The following CAMKMT variants were observed in gnomAD, a reference collection of about 807,000 sequenced individuals.
The protein encoded by CAMKMT is calmodulin-lysine N-methyltransferase.
In CAMKMT, 53 loss-of-function variants were observed where a neutral mutation model predicts 48.0. The observed-to-expected ratio is 1.10, with a 90% CI of 0.89 to 1.39. The LOEUF (loss-of-function observed/expected upper bound fraction) is 1.39, where lower values mean the gene tolerates loss of function less well. Ranked by LOEUF, CAMKMT falls within the 40% of genes most tolerant of loss-of-function variation. The pLI, the probability that CAMKMT is intolerant of heterozygous loss-of-function variation, is 0.00. For synonymous variants in CAMKMT, 165 were observed against 152.3 expected (o/e 1.08, Z -0.61); for missense variants, 428 against 402.7 (o/e 1.06, Z -0.54).
intron 3 of CAMKMT, among the ~76,000 whole-genome samples, chr2:44,687,960 G>A (rs1356824082): frequency 6.6e-6 from 1 of 152,220 alleles, no homozygotes; most frequent in Non-Finnish European, 1.5e-5. Context: ...CTGACAGCAA[G>A]TGATAAGCCT....
At chr2:44,592,562 G>A (rs1263340405) in intron 3 of CAMKMT, among the ~76,000 whole-genome samples, 2 of 152,228 alleles carry the variant, frequency 1.3e-5, no homozygotes, top group Admixed American at 6.5e-5. Context: ...CAAGACCAAC[G>A]ATGCTGGCAT....
In CAMKMT at chr2:44,449,811, A is replaced by G. The variant is rs898454720; in HGVS notation, c.376+59506A>G. On this transcript the variant is annotated intron_variant, in intron 3 of 10. Transcript: ENST00000378494. ...TTCTGATATTTTACGTTCCTTAGTA[A>G]ATCTTTGGGGAGGGGGTTAGTACTA... is the stretch of plus-strand genomic sequence containing the variant. 2.0e-4 allele frequency among the ~76,000 whole-genome samples: 31 copies of G among 152,114 alleles called. 1 individual carries two copies. Among genetic ancestry groups the G allele is most frequent in the Non-Finnish European group, 4.0e-4 (27 of 68,002 alleles).
At chr2:44,644,735 A>C (rs13400118) in intron 3 of CAMKMT, among the ~76,000 whole-genome samples, 95,685 of 152,012 alleles carry the variant, frequency 0.63, 30,670 homozygotes, top group Middle Eastern at 0.7. Flanking sequence ...TTATAATTAG[A>C]CTTTTATAGC....
At chr2:44,475,646 G>A (rs6728449) in intron 3 of CAMKMT, among the ~76,000 whole-genome samples, 83,640 of 151,988 alleles carry the variant, frequency 0.55, 23,450 homozygotes, top group Middle Eastern at 0.68. Flanking sequence ...GGAATAACTG[G>A]TGTGGCAAGT....
chr2:44,702,147 G>A (rs917747192), intron 3 of CAMKMT, among the ~76,000 whole-genome samples: 7 of 152,062 alleles, frequency 4.6e-5, no homozygotes, highest in Non-Finnish European at 1.0e-4. Context: ...AAAACCTCAA[G>A]CTAAAGGCAT....
chr2:44,643,029 A>C (rs545221796), intron 3 of CAMKMT, among the ~76,000 whole-genome samples: 3 of 152,292 alleles, frequency 2.0e-5, no homozygotes, highest in Non-Finnish European at 4.4e-5. Context: ...AGGGGTAGGC[A>C]GACTGACAGG....
chr2:44,633,269 G>C (rs1423771954), intron 3 of CAMKMT, among the ~76,000 whole-genome samples: 9 of 152,008 alleles, frequency 5.9e-5, no homozygotes, highest in Admixed American at 5.9e-4. Context: ...TATTTTCTTT[G>C]TGTTTACTCT....
At chr2:44,719,950 G>A (rs922273889) in intron 7 of CAMKMT, among the ~76,000 whole-genome samples, 6 of 152,150 alleles carry the variant, frequency 3.9e-5, no homozygotes, top group African/African-American at 1.2e-4. Flanking sequence ...CCTGAAGACC[G>A]CTGAGAATTC....
chr2:44,431,864 C>G (rs982447324), intron 3 of CAMKMT, among the ~76,000 whole-genome samples: 1 of 152,122 alleles, frequency 6.6e-6, no homozygotes, highest in Non-Finnish European at 1.5e-5. Flanking sequence ...GATGTTAGCT[C>G]AATTGTAAGT....
At chr2:44,579,778 T>G (rs1669444822) in intron 3 of CAMKMT, among the ~76,000 whole-genome samples, 1 of 152,206 alleles carries the variant, frequency 6.6e-6, no homozygotes, top group South Asian at 2.1e-4. Flanking sequence ...GTAACTTTAT[T>G]GCTGCCTGGG....
intron 3 of CAMKMT, among the ~76,000 whole-genome samples, chr2:44,470,257 G>T (rs1423113590): frequency 1.3e-5 from 2 of 151,948 alleles, no homozygotes; most frequent in East Asian, 3.9e-4. Context: ...AAGTTTCCTG[G>T]GTTTTCTCCT....
intron 10 of CAMKMT, 50 bp downstream of exon 10, chr2:44,766,611 G>A: frequency 1.2e-6 from 2 of 1,600,766 alleles, no homozygotes; most frequent in Non-Finnish European, 1.7e-6. Context: ...ATTGCATTTT[G>A]AAGAGATCAT....
chr2:44,534,812 A>G (rs1475427120), intron 3 of CAMKMT, among the ~76,000 whole-genome samples: 1 of 139,228 alleles, frequency 7.2e-6, no homozygotes, highest in Non-Finnish European at 1.6e-5. Context: ...AATGCACCTC[A>G]AGGAACTTGA....
intron 3 of CAMKMT, among the ~76,000 whole-genome samples, chr2:44,546,192 CACACACACACAT>C (rs1293629308): frequency 2.0e-5 from 3 of 148,710 alleles, no homozygotes; most frequent in African/African-American, 7.7e-5. Flanking sequence ...CACACACACA[CACACACACACAT>C]ACATGCACAT....
intron 3 of CAMKMT, among the ~76,000 whole-genome samples, chr2:44,545,087 C>G (rs1464942164): frequency 1.3e-5 from 2 of 152,174 alleles, no homozygotes; most frequent in Non-Finnish European, 2.9e-5. Flanking sequence ...CTTACATTTA[C>G]CTATTCAGAT....
intron 3 of CAMKMT, among the ~76,000 whole-genome samples, chr2:44,397,777 A>T (rs1681993593): frequency 6.6e-6 from 1 of 152,230 alleles, no homozygotes; most frequent in Non-Finnish European, 1.5e-5. Context: ...TTGAAATAAG[A>T]AACCACAGAA....
rs114545792 is a variant in CAMKMT, at chr2:44,659,463, G to A, written c.377-44820G>A. The stretch of plus-strand genomic sequence containing the variant: ...AGTGGCGGAGGGCGGAGTTCAGTGG[G>A]TCATGCCTATAATCCCAGCCCTTTG... On this transcript the variant is annotated intron_variant, in intron 3 of 10. Transcript: ENST00000378494. Among the ~76,000 whole-genome samples the A allele has an allele frequency of 2.3e-3, 340 of 150,810 alleles. 2 individuals carry two copies. Among genetic ancestry groups the A allele is most frequent in the African/African-American group, 8.0e-3 (330 of 41,070 alleles).
At chr2:44,447,678 A>T (rs74581957) in intron 3 of CAMKMT, among the ~76,000 whole-genome samples, 8,163 of 152,310 alleles carry the variant, frequency 0.054, 292 homozygotes, top group South Asian at 0.15. Flanking sequence ...TACTTCTCAA[A>T]CAGTAATGTT....
intron 1 of CAMKMT, among the ~76,000 whole-genome samples, chr2:44,372,466 CAAAA>C (rs35734499): frequency 6.6e-5 from 9 of 136,386 alleles, no homozygotes; most frequent in East Asian, 2.2e-4. Flanking sequence ...GATCCTGTCT[CAAAA>C]AAAAAAAAAA....
Sources: allele counts gnomAD v4.1 joint callset (sites outside exome capture counted in the v4.1 genomes callset), GRCh38; gene constraint gnomAD v4.1.1; transcripts MANE v1.5; gene names NCBI Gene and HGNC (gene_info 2026-07-23, HGNC 2026-07-21).